Variants in RPH3AL observed in about 807,000 individuals in gnomAD.
RPH3AL encodes the protein rab effector Noc2.
Under a neutral mutation model 43.1 loss-of-function variants are expected in RPH3AL, and 38 were observed. The ratio of observed to expected loss-of-function variants is 0.88; its 90% confidence interval spans 0.68 to 1.15. The LOEUF is 1.15. RPH3AL is among the 50% of genes most tolerant of loss of function. RPH3AL has a pLI of 0.00. For missense variants in RPH3AL, 462 were observed against 423.2 expected, an observed-to-expected ratio of 1.09 and a Z score of -0.81; for synonymous variants, 189 against 176.3, an observed-to-expected ratio of 1.07 and a Z score of -0.57.
intron 8 of RPH3AL, 25 bp downstream of exon 8, chr17:219,598 A>G (rs2040904765): frequency 1.5e-6 from 2 of 1,375,950 alleles, no homozygotes; most frequent in Non-Finnish European, 2.0e-6. Context: ...CCGGCCAATA[A>G]GCAGCATTTC....
intron 5 of RPH3AL, among the ~76,000 whole-genome samples, chr17:317,750 G>C (rs1359663002): frequency 6.6e-6 from 1 of 152,094 alleles, no homozygotes; most frequent in Non-Finnish European, 1.5e-5. Context: ...TTACTAATTG[G>C]GCAGGTTAAC....
intron 5 of RPH3AL, among the ~76,000 whole-genome samples, chr17:300,248 T>C (rs113268920): frequency 2.0e-3 from 179 of 88,556 alleles, no homozygotes; most frequent in Non-Finnish European, 1.1e-3. Flanking sequence ...AGCCTAGGCC[T>C]GCAGAATCTC....
intron 3 of RPH3AL, 199 bp from the exon 4 acceptor site, chr17:321,614 GCAA>G: frequency 2.2e-6 from 1 of 458,510 alleles, no homozygotes; most frequent in Non-Finnish European, 3.7e-6. Flanking sequence ...GGCCCAGGTG[GCAA>G]CAGAGACGGC....
At chr17:315,608 A>ACCTGTAGTC (rs1274273082) in intron 5 of RPH3AL, among the ~76,000 whole-genome samples, 2 of 123,768 alleles carry the variant, frequency 1.6e-5, no homozygotes, top group African/African-American at 6.2e-5. Flanking sequence ...ACCTCCACTG[A>ACCTGTAGTC]ACTCTAGTCC....
At chr17:235,322 C>A (rs868485147) in intron 7 of RPH3AL, among the ~76,000 whole-genome samples, 1 of 132,576 alleles carries the variant, frequency 7.5e-6, no homozygotes, top group Non-Finnish European at 1.6e-5. Flanking sequence ...CTGGGGTCGG[C>A]CGAGGCTCTG....
At chr17:272,706 T>C (rs529818222) in intron 6 of RPH3AL, among the ~76,000 whole-genome samples, 3 of 150,518 alleles carry the variant, frequency 2.0e-5, no homozygotes, top group Non-Finnish European at 3.0e-5. Flanking sequence ...GGTATACAGA[T>C]GTAACGAACC....
rs1555547445 is a variant in RPH3AL at position 264,777 on chromosome 17, G to A, written c.438+16991C>T. On this transcript the variant is annotated intron_variant, in intron 6 of 9. Coordinates refer to ENST00000331302, the MANE Select transcript of RPH3AL (RefSeq NM_006987.4). This position sits in a 1 kb window ranked among gnomAD's most constrained non-coding sequence, Gnocchi z 4.8. The stretch of plus-strand genomic sequence containing the variant: ...TGCAGCCATTCTTCCCCAAACACCT[G>A]TTTACAGGTATATCACAGCTCAGGT... Among the ~76,000 whole-genome samples the A allele has an allele frequency of 6.6e-6, 1 of 152,168 alleles. No homozygotes were observed. The highest frequency in any genetic ancestry group is 1.9e-4 in the East Asian group (1 of 5,194).
chr17:213,741 A>T lies in RPH3AL; in HGVS notation c.*111T>A. The T allele has an allele frequency of 1.2e-6, 1 of 848,780 alleles. No homozygotes were observed. The highest frequency in any genetic ancestry group is 1.9e-6 in the Non-Finnish European group (1 of 512,834). 52.6% of individuals were successfully genotyped at this position (848,780 alleles called of 1,614,324 possible). On this transcript the variant is annotated 3_prime_UTR_variant, in exon 10 of 10. Coordinates refer to ENST00000331302, the MANE Select transcript of RPH3AL (RefSeq NM_006987.4). ...GACGGCTCCCAACACTGGTTTGTTGAGTCATGGCCAACAGGGTGTCTGGTG... is the reference window on the plus strand; with the variant it reads ...GACGGCTCCCAACACTGGTTTGTTGTGTCATGGCCAACAGGGTGTCTGGTG...
chr17:329,340 G>A (rs2044692736), intron 2 of RPH3AL, among the ~76,000 whole-genome samples: 1 of 152,132 alleles, frequency 6.6e-6, no homozygotes, highest in Non-Finnish European at 1.5e-5. Context: ...GCTGGGTGTG[G>A]TGGCGAGTGC....
intron 7 of RPH3AL, among the ~76,000 whole-genome samples, chr17:226,366 A>G (rs2151508799): frequency 1.3e-5 from 2 of 152,322 alleles, no homozygotes; most frequent in Non-Finnish European, 2.9e-5. Context: ...ATAGACCCCA[A>G]AGGGCCACAG....
chr17:314,078 C>T (rs1053396075), intron 5 of RPH3AL, among the ~76,000 whole-genome samples: 3 of 152,196 alleles, frequency 2.0e-5, no homozygotes, highest in South Asian at 2.1e-4. Context: ...GAGGTCCTTC[C>T]CCAGGACAGC....
chr17:248,222 C>A (rs7222853), intron 6 of RPH3AL, among the ~76,000 whole-genome samples: 1 of 152,310 alleles, frequency 6.6e-6, no homozygotes, highest in East Asian at 1.9e-4. Context: ...CCCCTCTCAT[C>A]GAGCCACCCC....
chr17:233,384 A>G (rs1177021815), intron 7 of RPH3AL, among the ~76,000 whole-genome samples: 1 of 152,110 alleles, frequency 6.6e-6, no homozygotes, highest in Non-Finnish European at 1.5e-5. Flanking sequence ...AGGAAAAATG[A>G]CTTCCAACGC....
chr17:312,373 G>T (rs1476695820), intron 5 of RPH3AL, among the ~76,000 whole-genome samples: 1 of 152,144 alleles, frequency 6.6e-6, no homozygotes, highest in Admixed American at 6.5e-5. Context: ...CACGGAGAAG[G>T]CAGCTGTCTG....
chr17:243,864 C>G (rs188809476), intron 7 of RPH3AL, among the ~76,000 whole-genome samples: 1 of 148,494 alleles, frequency 6.7e-6, no homozygotes. Flanking sequence ...CCTTCCTCTA[C>G]TGATTACACT....
rs1469075404 is a variant in RPH3AL, at chr17:344,078, A to C, written c.-213+8634T>G. 2.0e-5 allele frequency among the ~76,000 whole-genome samples: 2 copies of C among 99,262 alleles called. 1 individual carries two copies. The highest frequency in any genetic ancestry group is 7.2e-4 in the East Asian group (2 of 2,786). The allele number at this position is 99,262 out of a possible 152,430, so 65.1% of individuals were successfully genotyped here. A position where few individuals can be genotyped will look rare whatever the true frequency, so the allele number is the denominator to read the frequency against. The stretch of plus-strand genomic sequence containing the variant: ...CGTCACCACTGTCATCATCGTCATC[A>C]CTATCACCATCATTGTCACCATCAT... On this transcript the variant is annotated intron_variant, in intron 1 of 9. Coordinates refer to ENST00000331302, the MANE Select transcript of RPH3AL (RefSeq NM_006987.4).
At chr17:216,474 C>G (rs1288013900) in intron 8 of RPH3AL, among the ~76,000 whole-genome samples, 1 of 152,144 alleles carries the variant, frequency 6.6e-6, no homozygotes, top group African/African-American at 2.4e-5. Flanking sequence ...AACATGGTTT[C>G]TGGTCTTTGC....
In RPH3AL at chr17:289,800, A is replaced by C. The variant is rs1316861211; in HGVS notation, c.352-7946T>G. On this transcript the variant is annotated intron_variant, in intron 5 of 9. Coordinates refer to ENST00000331302, the MANE Select transcript of RPH3AL (RefSeq NM_006987.4). The surrounding 1 kb of genome is among the most constrained non-coding windows in gnomAD (Gnocchi z 5.2). ...TGTGTGGCCACGCTGTCTCTTCATTAACCTACACACCCCTCGGACCTCAGC... is the reference window on the plus strand; with the variant it reads ...TGTGTGGCCACGCTGTCTCTTCATTCACCTACACACCCCTCGGACCTCAGC... 6.6e-6 allele frequency among the ~76,000 whole-genome samples: 1 copy of C among 152,178 alleles called. No individual in the cohort carries two copies. Among genetic ancestry groups the C allele is most frequent in the Non-Finnish European group, 1.5e-5 (1 of 68,028 alleles).
At chr17:230,582 T>G (rs1168486672) in intron 7 of RPH3AL, among the ~76,000 whole-genome samples, 1 of 152,140 alleles carries the variant, frequency 6.6e-6, no homozygotes, top group Non-Finnish European at 1.5e-5. Context: ...ACCATCCTGC[T>G]GGCTCAGGAG....
Sources: allele counts gnomAD v4.1 joint callset (sites outside exome capture counted in the v4.1 genomes callset), GRCh38; gene constraint gnomAD v4.1.1; non-coding constraint Gnocchi (gnomAD v3.1); transcripts MANE v1.5; gene names NCBI Gene and HGNC (gene_info 2026-07-23, HGNC 2026-07-21).